Variants in RGS12 observed in about 807,000 individuals in gnomAD.
RGS12 encodes the protein regulator of G-protein signaling 12.
Under a neutral mutation model 120.1 loss-of-function variants are expected in RGS12, and 66 were observed. That is an observed-to-expected ratio of 0.55 (90% confidence interval 0.45 to 0.67). RGS12 has a LOEUF of 0.67. Ranked by LOEUF, RGS12 falls within the 30% of genes least tolerant of loss-of-function variation. The pLI is 0.00. For synonymous variants in RGS12, 827 were observed against 804.7 expected (o/e 1.03, Z -0.47); for missense variants, 1,859 against 1,957.7 (o/e 0.95, Z 0.95).
At chr4:3,343,158 C>A in intron 3 of RGS12, 105 bp downstream of exon 3, 2 of 755,094 alleles carry the variant, frequency 2.6e-6, no homozygotes, top group Non-Finnish European at 2.3e-6. Context: ...TGGTCCCCTC[C>A]CCTCCTCCTC....
chr4:3,390,307 TC>T lies in RGS12; in HGVS notation c.2020+3876del, dbSNP rs1276054033. On this transcript the variant is annotated intron_variant, in intron 4 of 17. Coordinates refer to ENST00000336727, the MANE Select transcript of RGS12 (RefSeq NM_001394154.1). This position sits in a 1 kb window ranked among gnomAD's most constrained non-coding sequence, Gnocchi z 4.6. ...TTATTCATCTGTGTTGGTGCTTTTGTCCCCCCAGCTGGTGTGACCTCCACGT... is the reference window on the plus strand; with the variant it reads ...TTATTCATCTGTGTTGGTGCTTTTGTCCCCCAGCTGGTGTGACCTCCACGT... 6.6e-6 allele frequency among the ~76,000 whole-genome samples: 1 copy of T among 152,086 alleles called. No individual in the cohort carries two copies. The highest frequency in any genetic ancestry group is 2.4e-5 in the African/African-American group (1 of 41,410).
chr4:3,393,218 C>T (rs1719684959), intron 4 of RGS12, among the ~76,000 whole-genome samples: 1 of 152,182 alleles, frequency 6.6e-6, no homozygotes, highest in African/African-American at 2.4e-5. Context: ...TTTGGGGACT[C>T]CTCTAAAAGC....
chr4:3,317,187 G>A lies in RGS12; in HGVS notation c.1017G>A (p.Val339=). 6.2e-7 allele frequency: 1 copy of A among 1,614,172 alleles called. No homozygotes were observed. The highest frequency in any genetic ancestry group is 1.7e-5 in the Admixed American group (1 of 60,032). The change falls in exon 2 of 18, where the codon GTG becomes GTA. Residue 339 remains valine, a synonymous_variant. Coordinates refer to ENST00000336727, the MANE Select transcript of RGS12 (RefSeq NM_001394154.1). ...EEGALRTSCH[V]FMVDPDLFNH... ...GCGCCCTGCGGACTTCCTGCCACGT[G>A]TTCATGGTGGACCCAGACTTGTTTA...
intron 2 of RGS12, among the ~76,000 whole-genome samples, chr4:3,339,658 A>G (rs1712841959): frequency 6.6e-6 from 1 of 152,170 alleles, no homozygotes; most frequent in Admixed American, 6.5e-5. Flanking sequence ...AGGAAAAATG[A>G]GGATCACATG....
At chr4:3,407,748 CAG>C (rs1721310862) in intron 4 of RGS12, among the ~76,000 whole-genome samples, 1 of 152,168 alleles carries the variant, frequency 6.6e-6, no homozygotes, top group South Asian at 2.1e-4. Flanking sequence ...CTTAAAGAGT[CAG>C]AGTGTTTGAG....
intron 3 of RGS12, among the ~76,000 whole-genome samples, chr4:3,384,267 G>C (rs771154620): frequency 6.6e-6 from 1 of 152,104 alleles, no homozygotes; most frequent in Non-Finnish European, 1.5e-5. Flanking sequence ...CGATTCTCCT[G>C]CCTCAGCCTC....
At chr4:3,369,007 C>G (rs1028398412) in intron 3 of RGS12, among the ~76,000 whole-genome samples, 32 of 152,208 alleles carry the variant, frequency 2.1e-4, no homozygotes, top group Admixed American at 5.9e-4. Flanking sequence ...TGAGGCCACT[C>G]CAGACCTATG....
At chr4:3,321,216 G>C (rs993600440) in intron 2 of RGS12, among the ~76,000 whole-genome samples, 2 of 152,200 alleles carry the variant, frequency 1.3e-5, no homozygotes, top group Admixed American at 6.5e-5. Context: ...GTGTGGAAAG[G>C]GGCTGAGTCT....
intron 13 of RGS12, 105 bp from the exon 14 acceptor site, chr4:3,425,359 G>T: frequency 9.9e-7 from 1 of 1,012,512 alleles, no homozygotes; most frequent in Non-Finnish European, 1.6e-6. Context: ...TCTCCTGCGT[G>T]ACTCCATCAA....
intron 10 of RGS12, among the ~76,000 whole-genome samples, chr4:3,421,556 G>A (rs1723020679): frequency 6.6e-6 from 1 of 152,234 alleles, no homozygotes. Context: ...TACCTGGCAC[G>A]TGAGCCAGCT....
chr4:3,296,690 G>A (rs1210788533), intron 1 of RGS12, among the ~76,000 whole-genome samples: 1 of 152,194 alleles, frequency 6.6e-6, no homozygotes, highest in Non-Finnish European at 1.5e-5. Flanking sequence ...TTCCCATTGT[G>A]TGCGAGGAGC....
intron 1 of RGS12, among the ~76,000 whole-genome samples, chr4:3,295,210 T>G (rs1216549568): frequency 1.3e-5 from 2 of 151,724 alleles, no homozygotes; most frequent in Non-Finnish European, 2.9e-5. Context: ...TGTGGGAAGG[T>G]CGGGGGTAGA....
rs1029769234 is a variant in RGS12, at chr4:3,430,863, C to A, written c.4022C>A (p.Thr1341Asn). The A allele has an allele frequency of 3.7e-6, 6 of 1,611,994 alleles. No individual in the cohort carries two copies. Among genetic ancestry groups the A allele is most frequent in the Non-Finnish European group, 5.1e-6 (6 of 1,179,654 alleles). Residue 1341 changes from threonine to asparagine, a missense_variant, in exon 17 of 18, where the codon ACC (threonine) becomes AAC (asparagine). Thr to Asn is a moderately conservative substitution (Grantham distance 65, BLOSUM62 0). Coordinates refer to ENST00000336727, the MANE Select transcript of RGS12 (RefSeq NM_001394154.1). ...GAGGATGAGCACGTGGCCGAGCTGA[C>A]CCTGATGGGGGAGGGGGACATCAGC... ...TVEDEHVAEL[T>N]LMGEGDISSP...
intron 14 of RGS12, 143 bp from the exon 15 acceptor site, chr4:3,427,947 G>A (rs1723834575): frequency 1.3e-6 from 1 of 793,920 alleles, no homozygotes; most frequent in Non-Finnish European, 2.2e-6. Context: ...ACTCCCCTCA[G>A]GGCTGTGCGT....
At chr4:3,309,925 T>A (rs10023136) in intron 1 of RGS12, among the ~76,000 whole-genome samples, 29 of 36,404 alleles carry the variant, frequency 8.0e-4, no homozygotes, top group African/African-American at 3.2e-3. Context: ...GCTGGGACCC[T>A]GGAATGGCAG....
intron 4 of RGS12, among the ~76,000 whole-genome samples, chr4:3,406,819 G>A (rs190984307): frequency 6.6e-6 from 1 of 152,340 alleles, no homozygotes; most frequent in Non-Finnish European, 1.5e-5. Flanking sequence ...TGGGCAGGCC[G>A]CCTCCAGGAT....
At chr4:3,423,738 G>A (rs142304941) in intron 13 of RGS12, 97 bp downstream of exon 13, 248 of 1,443,906 alleles carry the variant, frequency 1.7e-4, no homozygotes, top group Middle Eastern at 5.1e-4. Context: ...ACACCAAGAA[G>A]CGGTGTCTTC....
At chr4:3,305,911 C>CG (rs1404673068) in intron 1 of RGS12, among the ~76,000 whole-genome samples, 2 of 152,130 alleles carry the variant, frequency 1.3e-5, no homozygotes, top group Admixed American at 1.3e-4. Flanking sequence ...ATAGGATTTC[C>CG]GGGTCCAGCA....
intron 3 of RGS12, among the ~76,000 whole-genome samples, chr4:3,371,598 GAATC>G (rs1465153996): frequency 6.6e-6 from 1 of 152,166 alleles, no homozygotes; most frequent in Non-Finnish European, 1.5e-5. Flanking sequence ...GAGTGTATTG[GAATC>G]TGGCTGATGT....
Sources: gnomAD v4.1 joint callset for allele counts (sites outside exome capture counted in the v4.1 genomes callset) on GRCh38, gnomAD v4.1.1 for gene constraint, Gnocchi (gnomAD v3.1) non-coding constraint, MANE v1.5 for transcripts, NCBI Gene and HGNC (gene_info 2026-07-23, HGNC 2026-07-21) for gene names.